Variants in TUBE1 observed in about 807,000 individuals in gnomAD.
TUBE1 encodes tubulin epsilon 1, also known as tubulin epsilon chain.
Under a neutral mutation model 53.5 loss-of-function variants are expected in TUBE1, and 34 were observed. The observed-to-expected ratio is 0.64, with a 90% confidence interval of 0.48 to 0.85. TUBE1 has a LOEUF of 0.85. Ranked by LOEUF, TUBE1 falls within the 40% of genes least tolerant of loss-of-function variation. TUBE1 has a pLI of 0.00. For missense variants in TUBE1, 532 were observed against 570.5 expected (o/e 0.93, Z 0.69); for synonymous variants, 177 against 198.4 (o/e 0.89, Z 0.91).
chr6:112,087,467 G>T lies in TUBE1; in HGVS notation c.-33C>A. On this transcript the variant is annotated 5_prime_UTR_variant, in exon 1 of 12. Transcript: ENST00000368662. ...CGCCGCCGGCTCCGGGAGCTTGCTA[G>T]CCCGCGGCCGCTTCTGCATTCCCCC... 7 of 1,548,224 alleles carry T rather than the reference G, an allele frequency of 4.5e-6. No individual in the cohort carries two copies. The highest frequency in any genetic ancestry group is 6.1e-6 in the Non-Finnish European group (7 of 1,145,578).
At chr6:112,076,149 G>A (rs781868000) in intron 7 of TUBE1, 37 bp from the exon 8 acceptor site, 2 of 1,576,008 alleles carry the variant, frequency 1.3e-6, no homozygotes, top group South Asian at 1.1e-5. Flanking sequence ...AAGCTATTAA[G>A]AAGAGTGGAT....
chr6:112,078,936 G>T (rs1346788484), intron 6 of TUBE1, among the ~76,000 whole-genome samples: 1 of 152,028 alleles, frequency 6.6e-6, no homozygotes, highest in Admixed American at 6.5e-5. Context: ...GAGGAAAAAA[G>T]TGTGACCATT....
At chr6:112,084,681 T>TCTTTGAGGC (rs1777120966) in intron 3 of TUBE1, among the ~76,000 whole-genome samples, 1 of 152,210 alleles carries the variant, frequency 6.6e-6, no homozygotes, top group African/African-American at 2.4e-5. Flanking sequence ...ACATATATAG[T>TCTTTGAGGC]ATTAGATCTT....
chr6:112,080,965 G>T, intron 5 of TUBE1, 127 bp downstream of exon 5: 1 of 496,952 alleles, frequency 2.0e-6, no homozygotes, highest in Non-Finnish European at 3.5e-6. Context: ...TTATTAAGGT[G>T]GTGGGCTGAA....
rs149689417 is a variant in TUBE1 at position 112,085,700 on chromosome 6, C to T, written c.152+856G>A. 1.9e-5 allele frequency: 9 copies of T among 471,718 alleles called. No homozygotes were observed. The East Asian group carries it at 6.2e-4, about 33-fold the overall frequency. The allele number at this position is 471,718 out of a possible 1,614,324, so 29.2% of individuals were successfully genotyped here. On this transcript the variant is annotated intron_variant, in intron 3 of 11. Coordinates refer to ENST00000368662, the MANE Select transcript of TUBE1 (RefSeq NM_016262.5). ...TTCCTTTGGTCTGATTCCATGGTCA[C>T]CAAGCAACCTTCAGATTATTACACA...
chr6:112,071,908 C>T lies in TUBE1; in HGVS notation c.1263G>A (p.Lys421=), dbSNP rs781792462. The change falls in exon 11 of 12, where the codon AAG becomes AAA. Residue 421 remains lysine, a synonymous_variant. Transcript: ENST00000368662. ...ELKERFMRLY[K]KKAHLHHYLQ... ...AAAGCTGTACAATAATTACCTTTTT[C>T]TTGTAGAGCCTCATGAATCTCTCTT... 2.5e-6 allele frequency: 4 copies of T among 1,594,822 alleles called. No homozygotes were observed. Among genetic ancestry groups the T allele is most frequent in the Admixed American group, 1.8e-5 (1 of 54,964 alleles).
At chr6:112,078,633 T>C (rs1226378617) in intron 6 of TUBE1, 2 of 152,066 alleles carry the variant, frequency 1.3e-5, no homozygotes, top group Admixed American at 1.3e-4. Context: ...ATTTTTGCTA[T>C]TTTAAGTGAA....
chr6:112,079,421 TAA>T (rs60207053), intron 6 of TUBE1: 6,730 of 304,284 alleles, frequency 0.022, no homozygotes, highest in East Asian at 0.032. Context: ...GGGCTTACAT[TAA>T]AAAAAAAAAA....
chr6:112,072,151 T>C, intron 10 of TUBE1, 75 bp from the exon 11 acceptor site: 4 of 1,164,350 alleles, frequency 3.4e-6, no homozygotes, highest in Non-Finnish European at 4.8e-6. Flanking sequence ...TGGCAGCTCA[T>C]ATTAGTTAAA....
At chr6:112,087,358 T>C (rs1554317545) in intron 1 of TUBE1, 52 bp from the exon 2 acceptor site, 2 of 1,551,184 alleles carry the variant, frequency 1.3e-6, no homozygotes, top group African/African-American at 2.7e-5. Context: ...GCAGGAAACA[T>C]GGCCGCTGGA....
Position 112,081,081 on chromosome 6 carries a change from TG to T in TUBE1, c.326+10del, listed in dbSNP as rs782064677. ...CAGAAGATATTCAATTTTTACGCTGTGTATTCTCACCAATTATTTCCTGAGC... is the reference window on the plus strand; with the variant it reads ...CAGAAGATATTCAATTTTTACGCTGTTATTCTCACCAATTATTTCCTGAGC... On this transcript the variant is annotated intron_variant, in intron 5 of 11. Coordinates refer to ENST00000368662, the MANE Select transcript of TUBE1 (RefSeq NM_016262.5). 3 of 1,492,126 alleles carry T rather than the reference TG, an allele frequency of 2.0e-6. No individual in the cohort carries two copies. Among genetic ancestry groups the T allele is most frequent in the East Asian group, 4.5e-5 (2 of 43,996 alleles). 92.4% of individuals were successfully genotyped at this position (1,492,126 alleles called of 1,614,324 possible).
rs924696029 is a variant in TUBE1 at position 112,087,339 on chromosome 6, G to A, written c.26-33C>T. 6.4e-6 allele frequency: 10 copies of A among 1,551,524 alleles called. No homozygotes were observed. The African/African-American group carries it at 1.4e-4, about 21-fold the overall frequency. ...CGGAGGAGAGGAAGGAAAGAGAATA[G>A]GACATTAAGCAGGAAACATGGCCGC... On this transcript the variant is annotated intron_variant, in intron 1 of 11. Transcript: ENST00000368662.
At chr6:112,075,064 CTTTCTTTTTTTT>C (rs1327484766) in intron 8 of TUBE1, 111 of 165,312 alleles carry the variant, frequency 6.7e-4, no homozygotes, top group African/African-American at 3.4e-3. Context: ...TTTTTTTTTT[CTTTCTTTTTTTT>C]TTTTTTTTGA....
At chr6:112,079,368 C>G in intron 6 of TUBE1, 1 of 226,510 alleles carries the variant, frequency 4.4e-6, no homozygotes, top group Non-Finnish European at 7.6e-6. Context: ...ACTAAAGGTA[C>G]AAGAAAAAAA....
intron 5 of TUBE1, 77 bp from the exon 6 acceptor site, chr6:112,079,831 G>C (rs1777041757): frequency 7.2e-7 from 1 of 1,397,116 alleles, no homozygotes; most frequent in Non-Finnish European, 9.7e-7. Context: ...TAAATAAAAG[G>C]ATTTTAAACA....
chr6:112,076,185 G>A lies in TUBE1; in HGVS notation c.637-73C>T, dbSNP rs782797068. 19 of 1,495,084 alleles carry A rather than the reference G, an allele frequency of 1.3e-5. 1 individual carries two copies. In the South Asian group the frequency reaches 2.3e-4, roughly 18 times the overall value. 92.6% of individuals were successfully genotyped at this position (1,495,084 alleles called of 1,614,324 possible). A position where few individuals can be genotyped will look rare whatever the true frequency, so the allele number is the denominator to read the frequency against. On this transcript the variant is annotated intron_variant, in intron 7 of 11. Coordinates refer to ENST00000368662, the MANE Select transcript of TUBE1 (RefSeq NM_016262.5). ...GTAGATGATATTCTACTAGGAAAGAGAAAGAAAAACAATTTAAACTGATTT... is the reference window on the plus strand; with the variant it reads ...GTAGATGATATTCTACTAGGAAAGAAAAAGAAAAACAATTTAAACTGATTT...
chr6:112,075,021 G>A, intron 8 of TUBE1, 171 bp from the exon 9 acceptor site: 1 of 301,046 alleles, frequency 3.3e-6, no homozygotes, highest in Admixed American at 5.1e-5. Context: ...GAACAATCAT[G>A]TATAAAATAA....
In TUBE1 at chr6:112,076,442, T is replaced by C; in HGVS notation, c.516A>G (p.Arg172=). Reference sequence around the variant, plus strand: ...CAGAAGGATAAATGGAAGTCACAAATCTGTATACTTCTGGGAATTCGTCTT... The same window carrying C: ...CAGAAGGATAAATGGAAGTCACAAACCTGTATACTTCTGGGAATTCGTCTT... ...VLEDEFPEVY[R]FVTSIYPSGE... The change falls in exon 7 of 12, where the codon AGA becomes AGG. Residue 172 remains arginine, a synonymous_variant. Transcript: ENST00000368662. 6.2e-7 allele frequency: 1 copy of C among 1,613,530 alleles called. No individual in the cohort carries two copies. The highest frequency in any genetic ancestry group is 8.5e-7 in the Non-Finnish European group (1 of 1,179,738).
At chr6:112,074,376 AG>A (rs1554315755) in intron 9 of TUBE1, among the ~76,000 whole-genome samples, 1 of 152,096 alleles carries the variant, frequency 6.6e-6, no homozygotes, top group African/African-American at 2.4e-5. Context: ...TCATTTTTAC[AG>A]ATGAGAAAAA....
Sources: gnomAD v4.1 joint callset for allele counts (sites outside exome capture counted in the v4.1 genomes callset) on GRCh38, gnomAD v4.1.1 for gene constraint, MANE v1.5 for transcripts, NCBI Gene and HGNC (gene_info 2026-07-23, HGNC 2026-07-21) for gene names.